Variants in LARP1B observed in about 807,000 individuals in gnomAD.
LARP1B encodes the protein la-related protein 1B.
A neutral mutation model predicts 114.2 loss-of-function variants in LARP1B; 76 were observed. The observed-to-expected ratio is 0.67, with a 90% confidence interval of 0.55 to 0.81. The LOEUF (loss-of-function observed/expected upper bound fraction) is 0.81, where lower values mean the gene tolerates loss of function less well. Among genes scored for constraint, LARP1B ranks in the 30% least tolerant of loss-of-function variants. LARP1B has a pLI of 0.00. For synonymous variants in LARP1B, 345 were observed against 348.0 expected (o/e 0.99, Z 0.10); for missense variants, 1,014 against 1,075.8 (o/e 0.94, Z 0.80).
intron 9 of LARP1B, among the ~76,000 whole-genome samples, chr4:128,112,436 A>G (rs1438046417): frequency 2.1e-5 from 3 of 146,152 alleles, no homozygotes; most frequent in Non-Finnish European, 4.5e-5. Context: ...TTGAAGTGAT[A>G]GATAACTGCA....
At chr4:128,083,814 T>C (rs1295354640) in intron 5 of LARP1B, among the ~76,000 whole-genome samples, 3 of 146,204 alleles carry the variant, frequency 2.1e-5, no homozygotes, top group Admixed American at 6.7e-5. Flanking sequence ...CCCCCCCACC[T>C]CCCTCCCGGA....
Position 128,210,029 on chromosome 4 carries a change from G to A in LARP1B, c.2721G>A (p.Pro907=), listed in dbSNP as rs1353713701. 7 of 1,613,960 alleles carry A rather than the reference G, an allele frequency of 4.3e-6. No homozygotes were observed. The highest frequency in any genetic ancestry group is 2.2e-5 in the East Asian group (1 of 44,872). ...PINSPRRNIS[P]ESSDNSH ...ACTCTCCCAGAAGGAATATTTCACC[G>A]GAGTCCAGTGACAATTCACATTAAA... Residue 907 remains proline (P), a synonymous_variant, in exon 20 of 20, where the codon CCG becomes CCA. Coordinates refer to ENST00000326639, the MANE Select transcript of LARP1B (RefSeq NM_018078.4).
intron 11 of LARP1B, among the ~76,000 whole-genome samples, chr4:128,135,138 TAAATAAAA>T (rs1270486927): frequency 1.6e-4 from 23 of 143,012 alleles, no homozygotes; most frequent in African/African-American, 5.1e-4. Context: ...AATAAATAAA[TAAATAAAA>T]AGGATAACAA....
chr4:128,222,390 G>C (rs930093892), exon 8 of LARP1B: 2 of 456,498 alleles, frequency 4.4e-6, no homozygotes, highest in South Asian at 3.1e-5. Context: ...TAAACATCTA[G>C]TTCCTAAGCA....
At chr4:128,076,838 A>T (rs547306009) in intron 3 of LARP1B, among the ~76,000 whole-genome samples, 155 of 151,690 alleles carry the variant, frequency 1.0e-3, no homozygotes, top group Non-Finnish European at 1.3e-3. Flanking sequence ...TGACCCCCCC[A>T]CCTCAGCCCC....
At chr4:128,098,526 C>T (rs140449989) in intron 8 of LARP1B, among the ~76,000 whole-genome samples, 196 bp downstream of exon 8, 3 of 151,276 alleles carry the variant, frequency 2.0e-5, no homozygotes, top group Non-Finnish European at 4.4e-5. Flanking sequence ...GTATTGCTAA[C>T]GATGTTACTG....
At chr4:128,104,054 C>T (rs1440225804) in intron 8 of LARP1B, among the ~76,000 whole-genome samples, 1 of 152,054 alleles carries the variant, frequency 6.6e-6, no homozygotes, top group Non-Finnish European at 1.5e-5. Flanking sequence ...CTGCCTGCCT[C>T]AGCCTCCCAA....
chr4:128,081,652 T>G (rs1057354150), intron 4 of LARP1B, among the ~76,000 whole-genome samples: 2 of 152,096 alleles, frequency 1.3e-5, no homozygotes, highest in Admixed American at 1.3e-4. Context: ...TTTACAAGGT[T>G]TTTTCCTAGT....
intron 9 of LARP1B, among the ~76,000 whole-genome samples, chr4:128,113,339 T>G (rs1194474802): frequency 6.6e-6 from 1 of 151,150 alleles, no homozygotes; most frequent in Admixed American, 6.6e-5. Flanking sequence ...TTTCTTTTTC[T>G]TTTCTTTTTT....
chr4:128,087,292 A>G (rs1773993706), intron 5 of LARP1B, among the ~76,000 whole-genome samples: 1 of 152,202 alleles, frequency 6.6e-6, no homozygotes, highest in Non-Finnish European at 1.5e-5. Flanking sequence ...AAACAATAGG[A>G]TGAGCATTTG....
intron 11 of LARP1B, chr4:128,156,276 T>A (rs1735610827): frequency 1.0e-6 from 1 of 956,972 alleles, no homozygotes; most frequent in African/African-American, 1.6e-5. Context: ...CCAGTCCAGC[T>A]GGCCTGGACA....
chr4:128,151,676 C>T (rs1699793715), intron 11 of LARP1B, among the ~76,000 whole-genome samples: 2 of 151,946 alleles, frequency 1.3e-5, no homozygotes. Context: ...GATCTCGGCT[C>T]ACTGCAGGCT....
chr4:128,205,874 C>T (rs1003021358), intron 17 of LARP1B, among the ~76,000 whole-genome samples: 1 of 152,214 alleles, frequency 6.6e-6, no homozygotes, highest in Non-Finnish European at 1.5e-5. Context: ...AGAGGTCATA[C>T]TGAACTGTCC....
Position 128,110,676 on chromosome 4 carries a change from C to CAAAAAAAAAAAAAAAAAAAA in LARP1B, c.988+3380_988+3381insAAAAAAAAAAAAAAAAAAAA, listed in dbSNP as rs544129662. 6.5e-4 allele frequency among the ~76,000 whole-genome samples: 21 copies of CAAAAAAAAAAAAAAAAAAAA among 32,426 alleles called. 4 individuals carry two copies. The highest frequency in any genetic ancestry group is 3.1e-3 in the African/African-American group (19 of 6,046). The allele number at this position is 32,426 out of a possible 152,430, so 21.3% of individuals were successfully genotyped here. ...TGGGCGACAGAGCGAGACTCCGTCT[C>CAAAAAAAAAAAAAAAAAAAA]AAAAAAAAAAAAAAAAAGATGCAGC... On this transcript the variant is annotated intron_variant, in intron 9 of 19. Transcript: ENST00000326639.
At chr4:128,178,832 G>A (rs756126872) in intron 14 of LARP1B, among the ~76,000 whole-genome samples, 190 bp downstream of exon 14, 1 of 152,138 alleles carries the variant, frequency 6.6e-6, no homozygotes, top group Non-Finnish European at 1.5e-5. Context: ...GGTGGTTTAT[G>A]CCTGTAATCC....
chr4:128,116,746 TA>T (rs1785973589), intron 10 of LARP1B, among the ~76,000 whole-genome samples: 1 of 152,286 alleles, frequency 6.6e-6, no homozygotes, highest in Admixed American at 6.5e-5. Flanking sequence ...AATATACTTT[TA>T]AAAAAGTGAT....
intron 8 of LARP1B, among the ~76,000 whole-genome samples, chr4:128,100,842 G>A (rs1371372890): frequency 1.4e-5 from 2 of 148,046 alleles, no homozygotes; most frequent in Non-Finnish European, 3.0e-5. Flanking sequence ...TTTTGAGACA[G>A]AGTCTTGCTC....
At chr4:128,183,695 A>G (rs1319550514) in intron 15 of LARP1B, among the ~76,000 whole-genome samples, 1 of 152,216 alleles carries the variant, frequency 6.6e-6, no homozygotes, top group Non-Finnish European at 1.5e-5. Context: ...TAGTATATTC[A>G]TAAGGCTATA....
chr4:128,082,006 G>A (rs1313033612), intron 4 of LARP1B, among the ~76,000 whole-genome samples, 159 bp from the exon 5 acceptor site: 1 of 152,204 alleles, frequency 6.6e-6, no homozygotes. Flanking sequence ...AAAGTGCTGG[G>A]ATTACAGGCA....
Sources: gnomAD v4.1 joint callset for allele counts (sites outside exome capture counted in the v4.1 genomes callset) on GRCh38, gnomAD v4.1.1 for gene constraint, MANE v1.5 for transcripts, NCBI Gene and HGNC (gene_info 2026-07-23, HGNC 2026-07-21) for gene names.